Variants in ROBO1 observed in about 807,000 individuals in gnomAD.
ROBO1 encodes roundabout guidance receptor 1, also known as roundabout homolog 1.
ROBO1 carries 149 observed loss-of-function variants against 195.9 expected under a neutral mutation model. That is an observed-to-expected ratio of 0.76 (90% CI 0.67 to 0.87). The LOEUF (loss-of-function observed/expected upper bound fraction) is 0.87, where lower values mean the gene tolerates loss of function less well. Among genes scored for constraint, ROBO1 ranks in the 40% least tolerant of loss-of-function variants. ROBO1 has a pLI of 0.00. For synonymous variants in ROBO1, 816 were observed against 733.2 expected (o/e 1.11, Z -1.82); for missense variants, 1,933 against 2,068.3 (o/e 0.93, Z 1.27).
At chr3:79,071,722 ATGC>A (rs763375143) in intron 3 of ROBO1, among the ~76,000 whole-genome samples, 1 of 72,446 alleles carries the variant, frequency 1.4e-5, no homozygotes, top group Non-Finnish European at 3.5e-5. Flanking sequence ...ACACATGCAC[ATGC>A]ACACACACAC....
At chr3:79,518,657 A>T (rs1941058843) in intron 2 of ROBO1, among the ~76,000 whole-genome samples, 1 of 151,980 alleles carries the variant, frequency 6.6e-6, no homozygotes, top group African/African-American at 2.4e-5. Context: ...TAGATAATAA[A>T]CATTCTCCAA....
At chr3:79,216,523 C>A (rs533978701) in intron 2 of ROBO1, among the ~76,000 whole-genome samples, 5 of 152,028 alleles carry the variant, frequency 3.3e-5, no homozygotes, top group African/African-American at 1.2e-4. Context: ...GGTAATGTTA[C>A]GTTGAGTTTC....
intron 5 of ROBO1, among the ~76,000 whole-genome samples, chr3:78,730,162 A>G (rs1559795278): frequency 6.6e-6 from 1 of 152,218 alleles, no homozygotes; most frequent in Non-Finnish European, 1.5e-5. Context: ...TTTGAATTAC[A>G]AGTACACCAG....
chr3:79,734,823 G>A (rs951402642), intron 1 of ROBO1, among the ~76,000 whole-genome samples: 1 of 151,838 alleles, frequency 6.6e-6, no homozygotes, highest in Admixed American at 6.6e-5. Flanking sequence ...TAAGAGTAAC[G>A]ACCCTCTCAA....
chr3:79,032,677 T>C (rs1246031119), intron 3 of ROBO1, among the ~76,000 whole-genome samples: 5 of 152,098 alleles, frequency 3.3e-5, no homozygotes, highest in African/African-American at 1.2e-4. Flanking sequence ...TTTTTATTCA[T>C]GTACCCGTGG....
At chr3:79,630,986 A>C (rs1225510751) in intron 1 of ROBO1, among the ~76,000 whole-genome samples, 1 of 152,002 alleles carries the variant, frequency 6.6e-6, no homozygotes. Context: ...GACAAAAAGA[A>C]ATGGAAAACC....
intron 29 of ROBO1, among the ~76,000 whole-genome samples, chr3:78,602,269 G>C (rs1358051473): frequency 6.6e-6 from 1 of 151,936 alleles, no homozygotes; most frequent in Non-Finnish European, 1.5e-5. Flanking sequence ...TGGTTTAAAA[G>C]TATGTGGCAC....
intron 2 of ROBO1, among the ~76,000 whole-genome samples, chr3:79,374,451 G>T (rs541499304): frequency 1.3e-5 from 2 of 152,036 alleles, no homozygotes; most frequent in African/African-American, 4.8e-5. Context: ...GCTACTTAAT[G>T]ACATTGACCA....
At chr3:78,884,643 GAAA>G (rs1559961628) in intron 4 of ROBO1, among the ~76,000 whole-genome samples, 55 of 81,168 alleles carry the variant, frequency 6.8e-4, no homozygotes, top group African/African-American at 2.9e-3. Flanking sequence ...GAGAAAGAAA[GAAA>G]GAAAGGAAGG....
intron 1 of ROBO1, among the ~76,000 whole-genome samples, chr3:79,677,649 A>G (rs1301683774): frequency 1.3e-5 from 2 of 152,098 alleles, no homozygotes; most frequent in African/African-American, 2.4e-5. Flanking sequence ...GGGCGAAACC[A>G]TATCAGCATG....
intron 1 of ROBO1, among the ~76,000 whole-genome samples, chr3:79,628,232 C>T (rs1945236563): frequency 6.6e-6 from 1 of 152,074 alleles, no homozygotes; most frequent in Non-Finnish European, 1.5e-5. Flanking sequence ...TTGGAACAAA[C>T]CCAAATGCCC....
chr3:79,191,023 C>G (rs76408956), intron 2 of ROBO1, among the ~76,000 whole-genome samples: 2 of 151,444 alleles, frequency 1.3e-5, no homozygotes, highest in Non-Finnish European at 1.5e-5. Flanking sequence ...CGATGTAAAA[C>G]TATAAAGAAG....
intron 1 of ROBO1, among the ~76,000 whole-genome samples, chr3:79,681,324 A>G (rs1946940861): frequency 6.6e-6 from 1 of 150,700 alleles, no homozygotes; most frequent in Admixed American, 6.7e-5. Flanking sequence ...AGAAAGCAGG[A>G]ACAGCCTATT....
intron 5 of ROBO1, among the ~76,000 whole-genome samples, chr3:78,737,914 A>G (rs1489055116): frequency 6.6e-6 from 1 of 152,206 alleles, no homozygotes; most frequent in East Asian, 1.9e-4. Context: ...TGACCTTCAC[A>G]CAACAGAGCT....
At chr3:78,929,596 G>A (rs754124905) in intron 4 of ROBO1, among the ~76,000 whole-genome samples, 4 of 151,600 alleles carry the variant, frequency 2.6e-5, no homozygotes, top group African/African-American at 9.7e-5. Context: ...TCCACATCCC[G>A]GGCTCAACCA....
chr3:79,102,364 A>G (rs1172285090), intron 3 of ROBO1, among the ~76,000 whole-genome samples: 2 of 151,772 alleles, frequency 1.3e-5, no homozygotes, highest in Non-Finnish European at 2.9e-5. Flanking sequence ...TAATGTAACA[A>G]GAGGCCAAAC....
At chr3:79,348,180 C>T (rs2035196760) in intron 2 of ROBO1, among the ~76,000 whole-genome samples, 1 of 147,246 alleles carries the variant, frequency 6.8e-6, no homozygotes, top group Non-Finnish European at 1.5e-5. Context: ...CACTGCATTC[C>T]ACCCTGGGAG....
chr3:79,402,190 T>C (rs962749856), intron 2 of ROBO1, among the ~76,000 whole-genome samples: 5 of 151,894 alleles, frequency 3.3e-5, no homozygotes, highest in Non-Finnish European at 5.9e-5. Flanking sequence ...AATAATAAAT[T>C]TGTGACTCGA....
Position 78,776,617 on chromosome 3 carries a change from A to G in ROBO1, c.500-29717T>C, listed in dbSNP as rs550832382. On this transcript the variant is annotated intron_variant, in intron 4 of 30. Transcript: ENST00000464233. ...GGCCTTCGATATGATTCCATAAATA[A>G]CAAATAAATCTTTCATTATTATTGG... 8.8e-4 allele frequency among the ~76,000 whole-genome samples: 134 copies of G among 152,346 alleles called. 1 individual carries two copies. The South Asian group carries it at 0.015, about 17-fold the overall frequency.
Sources: allele counts gnomAD v4.1 joint callset (sites outside exome capture counted in the v4.1 genomes callset), GRCh38; gene constraint gnomAD v4.1.1; transcripts MANE v1.5; gene names NCBI Gene and HGNC (gene_info 2026-07-23, HGNC 2026-07-21).